Variants in CLEC7A observed in about 807,000 individuals in gnomAD.
CLEC7A encodes C-type lectin domain family 7 member A.
Under a neutral mutation model 26.9 loss-of-function variants are expected in CLEC7A, and 25 were observed. The observed-to-expected ratio is 0.93, with a 90% CI of 0.68 to 1.30. The LOEUF (loss-of-function observed/expected upper bound fraction) is 1.30. CLEC7A is among the 50% of genes most tolerant of loss of function. The probability of loss-of-function intolerance (pLI) is 0.00; values close to 1 mark genes in which losing one functional copy is unlikely to be tolerated. For synonymous variants in CLEC7A, 100 were observed against 99.5 expected (o/e 1.01, Z -0.03); for missense variants, 275 against 286.7 (o/e 0.96, Z 0.29).
chr12:10,118,839 AG>A (rs1947990199), intron 5 of CLEC7A, among the ~76,000 whole-genome samples: 2 of 152,324 alleles, frequency 1.3e-5, no homozygotes, highest in South Asian at 2.1e-4. Context: ...CTAAAAAAAA[AG>A]TTCCTGACAA....
At chr12:10,122,244 T>C (rs962363602) in intron 5 of CLEC7A, among the ~76,000 whole-genome samples, 4 of 152,092 alleles carry the variant, frequency 2.6e-5, no homozygotes. Context: ...TCTGCAGATA[T>C]TAAAAAGCAA....
chr12:10,124,903 TAA>T, intron 4 of CLEC7A: 1 of 192,542 alleles, frequency 5.2e-6, no homozygotes, highest in Non-Finnish European at 1.1e-5. Flanking sequence ...ATAGAGATAT[TAA>T]AAATGAATTT....
chr12:10,124,352 T>G (rs1017961886), intron 4 of CLEC7A, among the ~76,000 whole-genome samples: 1 of 152,210 alleles, frequency 6.6e-6, no homozygotes, highest in Admixed American at 6.5e-5. Flanking sequence ...TTTAGATTTA[T>G]AACATAGAAT....
rs887382003 is a variant in CLEC7A, at chr12:10,127,200, A to G, written c.203-492T>C. The G allele has an allele frequency of 4.5e-6, 5 of 1,099,104 alleles. No individual in the cohort carries two copies. The African/African-American group carries it at 1.1e-4, about 23-fold the overall frequency. 68.1% of individuals were successfully genotyped at this position (1,099,104 alleles called of 1,614,324 possible). ...ATGTGATATAAAATGTAAAAAAAATATTAATCCATTACAAAATATCGACTT... is the reference window on the plus strand; with the variant it reads ...ATGTGATATAAAATGTAAAAAAAATGTTAATCCATTACAAAATATCGACTT... On this transcript the variant is annotated intron_variant, in intron 2 of 5. Transcript: ENST00000304084.
At position 10,127,096 on chromosome 12, in the gene CLEC7A, C is replaced by T. The variant is rs186580245; in HGVS notation, c.203-388G>A. The T allele has an allele frequency of 2.5e-4, 337 of 1,328,410 alleles. 1 individual carries two copies. In the African/African-American group the frequency reaches 4.4e-3, roughly 18 times the overall value. The allele number at this position is 1,328,410 out of a possible 1,614,324, so 82.3% of individuals were successfully genotyped here. A position where few individuals can be genotyped will look rare whatever the true frequency, so the allele number is the denominator to read the frequency against. On this transcript the variant is annotated intron_variant, in intron 2 of 5. Transcript: ENST00000304084. ...TTGAGAAACTGCCCAGTACCTATAA[C>T]ATAGAACGCACTCAATAAACATTTG...
At chr12:10,123,408 GA>G in intron 4 of CLEC7A, 45 bp from the exon 5 acceptor site, 1 of 1,015,104 alleles carries the variant, frequency 9.9e-7, no homozygotes, top group South Asian at 1.4e-5. Context: ...GAGAGAGAGA[GA>G]GAGAAAGAAA....
chr12:10,124,685 G>A (rs1387332754), intron 4 of CLEC7A: 1 of 152,024 alleles, frequency 6.6e-6, no homozygotes, highest in Admixed American at 6.5e-5. Flanking sequence ...ATGACAAGGA[G>A]AAGAATTTTC....
At chr12:10,128,687 G>C (rs1336524706) in intron 1 of CLEC7A, among the ~76,000 whole-genome samples, 1 of 152,106 alleles carries the variant, frequency 6.6e-6, no homozygotes, top group Non-Finnish European at 1.5e-5. Flanking sequence ...ACCTTGTTTA[G>C]AGACTGCTAG....
At chr12:10,123,413 A>AG in intron 4 of CLEC7A, 50 bp from the exon 5 acceptor site, 1 of 1,111,388 alleles carries the variant, frequency 9.0e-7, no homozygotes, top group Non-Finnish European at 1.4e-6. Flanking sequence ...AGAGAGAGAG[A>AG]AAGAAACTAT....
intron 5 of CLEC7A, 147 bp downstream of exon 5, chr12:10,123,098 C>T: frequency 1.6e-6 from 1 of 613,788 alleles, no homozygotes; most frequent in Non-Finnish European, 2.9e-6. Flanking sequence ...TCCTAGTTCA[C>T]TCTTTCTCTT....
At chr12:10,120,750 T>C (rs1948057584) in intron 5 of CLEC7A, among the ~76,000 whole-genome samples, 1 of 90,726 alleles carries the variant, frequency 1.1e-5, no homozygotes, top group Admixed American at 1.6e-4. Flanking sequence ...TTTTCTTTTT[T>C]CTTTTTCTTT....
In CLEC7A at chr12:10,130,036, G is replaced by GTA. The variant is rs1948438856; in HGVS notation, c.45_46dup (p.Thr16IlefsTer14). 1 of 1,610,864 alleles carries GTA rather than the reference G, an allele frequency of 6.2e-7. No homozygotes were observed. The highest frequency in any genetic ancestry group is 1.3e-5 in the African/African-American group (1 of 74,842). On this transcript the variant is annotated frameshift_variant, in exon 1 of 6. Transcript: ENST00000304084. LOFTEE classifies it high-confidence loss of function. ...GCTTTGAGAGTCGAAGTGTAATTGA[G>GTA]TATATCCATCTTCATCCAAATTTTC... is the stretch of plus-strand genomic sequence containing the variant.
At position 10,121,788 on chromosome 12, in the gene CLEC7A, A is replaced by C. The variant is rs957510633; in HGVS notation, c.611+1457T>G. On this transcript the variant is annotated intron_variant, in intron 5 of 5. Transcript: ENST00000304084. ...TGGAATAGCAAATTTAAAACAAATA[A>C]ATTAGGTCAGGAGATCGAGACCATC... 2.6e-5 allele frequency among the ~76,000 whole-genome samples: 4 copies of C among 152,144 alleles called. No individual in the cohort carries two copies. The East Asian group carries it at 7.7e-4, about 29-fold the overall frequency.
At position 10,130,055 on chromosome 12, in the gene CLEC7A, A is replaced by T. The variant is rs368303290; in HGVS notation, c.28T>A (p.Leu10Met). 1 of 1,601,476 alleles carries T rather than the reference A, an allele frequency of 6.2e-7. No homozygotes were observed. The highest frequency in any genetic ancestry group is 1.3e-5 in the African/African-American group (1 of 74,640). Residue 10 changes from leucine to methionine, a missense_variant, in exon 1 of 6, where the codon TTG becomes ATG. Physicochemically the swap from Leu to Met is conservative, Grantham distance 15. Coordinates refer to ENST00000304084, the MANE Select transcript of CLEC7A (RefSeq NM_197947.3). ...AATTGAGTATATCCATCTTCATCCA[A>T]ATTTTCTAAATCAGGATGATATTCC... MEYHPDLEN[L>M]DEDGYTQLHF...
rs1473031515 is a variant in CLEC7A at position 10,125,535 on chromosome 12, T to G, written c.341-87A>C. On this transcript the variant is annotated intron_variant, in intron 3 of 5. Transcript: ENST00000304084. ...ACACCATTCATCTTAAGGACACTTA[T>G]GAAATAACCAATTAGTTGCCATTTT... 2.7e-6 allele frequency: 3 copies of G among 1,106,162 alleles called. No homozygotes were observed. In the Admixed American group the frequency reaches 9.2e-5, roughly 34 times the overall value. 68.5% of individuals were successfully genotyped at this position (1,106,162 alleles called of 1,614,324 possible).
chr12:10,128,244 A>ACACACACACAC (rs1250491798), intron 1 of CLEC7A, among the ~76,000 whole-genome samples: 3 of 89,880 alleles, frequency 3.3e-5, no homozygotes, highest in Admixed American at 9.9e-5. Flanking sequence ...ACACACACAC[A>ACACACACACAC]CACCACCAAC....
At chr12:10,118,675 A>G in intron 5 of CLEC7A, 85 bp from the exon 6 acceptor site, 1 of 1,197,594 alleles carries the variant, frequency 8.4e-7, no homozygotes, top group African/African-American at 1.5e-5. Flanking sequence ...TAGTAAGGAT[A>G]TTGGTGAAAA....
intron 5 of CLEC7A, 21 bp downstream of exon 5, chr12:10,123,224 A>G (rs1304832528): frequency 6.9e-7 from 1 of 1,441,048 alleles, no homozygotes; most frequent in Non-Finnish European, 9.8e-7. Context: ...AGGATGAAGC[A>G]TTGTCTCTCC....
intron 5 of CLEC7A, among the ~76,000 whole-genome samples, chr12:10,121,251 T>A (rs1351710753): frequency 1.4e-5 from 2 of 147,330 alleles, no homozygotes; most frequent in Non-Finnish European, 3.0e-5. Flanking sequence ...GTAAAAGACA[T>A]GAAAGAGCAC....
Sources: gnomAD v4.1 joint callset for allele counts (sites outside exome capture counted in the v4.1 genomes callset) on GRCh38, gnomAD v4.1.1 for gene constraint, MANE v1.5 for transcripts, NCBI Gene and HGNC (gene_info 2026-07-23, HGNC 2026-07-21) for gene names.